FUT8: variants seen among roughly 807,000 people sequenced by gnomAD.
FUT8 encodes alpha-(1,6)-fucosyltransferase.
In FUT8, 29 loss-of-function variants were observed where a neutral mutation model predicts 71.3. That is an observed-to-expected ratio of 0.41 (90% confidence interval 0.30 to 0.55). FUT8 has a LOEUF of 0.55. Ranked by LOEUF, FUT8 falls within the 20% of genes least tolerant of loss-of-function variation. The pLI is 0.34. For synonymous variants in FUT8, 254 were observed against 239.3 expected (o/e 1.06, Z -0.57); for missense variants, 544 against 702.1 (o/e 0.77, Z 2.55).
At chr14:65,395,786 G>T in the FUT8 span, among the ~76,000 whole-genome samples, 1 of 152,270 alleles carries the variant, frequency 6.6e-6, no homozygotes, top group Non-Finnish European at 1.5e-5. Context: ...CAGCCAGCTT[G>T]AATTTCTCCC....
chr14:65,369,723 C>T, the FUT8 span, among the ~76,000 whole-genome samples: 1 of 152,208 alleles, frequency 6.6e-6, no homozygotes, highest in Non-Finnish European at 1.5e-5. The surrounding 1 kb of genome is among the most constrained non-coding windows in gnomAD (Gnocchi z 4.6). Flanking sequence ...CCTATATGGT[C>T]TAAAAGGGAG....
At chr14:65,434,606 A>G (rs78420683) in intron 1 of FUT8, among the ~76,000 whole-genome samples, 1,839 of 152,360 alleles carry the variant, frequency 0.012, 15 homozygotes, top group South Asian at 0.024. Context: ...AAATACTTAC[A>G]TAGGAGAGAG....
At chr14:65,449,648 T>C (rs2065792679) in intron 1 of FUT8, among the ~76,000 whole-genome samples, 1 of 152,204 alleles carries the variant, frequency 6.6e-6, no homozygotes, top group South Asian at 2.1e-4. Context: ...ATTTTTATCT[T>C]AGCCATGAGC....
chr14:65,566,309 A>G (rs1442867892), intron 3 of FUT8, among the ~76,000 whole-genome samples: 2 of 152,000 alleles, frequency 1.3e-5, no homozygotes, highest in African/African-American at 4.8e-5. Flanking sequence ...CATTCTGTTC[A>G]TTGCAAGTCA....
At chr14:65,500,818 C>A (rs904394391) in intron 2 of FUT8, among the ~76,000 whole-genome samples, 19 of 152,200 alleles carry the variant, frequency 1.2e-4, no homozygotes, top group African/African-American at 4.3e-4. Context: ...TTTTCATTAG[C>A]GTTGAAAACT....
At chr14:65,383,352 G>A in the FUT8 span, among the ~76,000 whole-genome samples, 8 of 129,248 alleles carry the variant, frequency 6.2e-5, no homozygotes, top group East Asian at 2.3e-4. Flanking sequence ...TTGGCTCACC[G>A]CAATCGCCGC....
intron 6 of FUT8, among the ~76,000 whole-genome samples, chr14:65,641,973 A>G (rs1266696370): frequency 6.6e-6 from 1 of 152,018 alleles, no homozygotes; most frequent in Non-Finnish European, 1.5e-5. Flanking sequence ...TGGAAATTCT[A>G]GTTTGCAGCT....
chr14:65,434,224 G>A (rs2065520644), intron 1 of FUT8, among the ~76,000 whole-genome samples: 1 of 152,168 alleles, frequency 6.6e-6, no homozygotes, highest in East Asian at 1.9e-4. Flanking sequence ...AGAAGTCCAG[G>A]AACAACCAGA....
At chr14:65,414,168 G>T (rs1057396183) in intron 1 of FUT8, among the ~76,000 whole-genome samples, 1 of 152,166 alleles carries the variant, frequency 6.6e-6, no homozygotes, top group Non-Finnish European at 1.5e-5. Context: ...AGGTTTTGCG[G>T]AACAAATTCA....
the FUT8 span, among the ~76,000 whole-genome samples, chr14:65,361,254 T>C: frequency 3.0e-4 from 42 of 140,762 alleles, no homozygotes; most frequent in Admixed American, 2.8e-3. Flanking sequence ...TACTTGGGAG[T>C]CTGAGGCAAG....
chr14:65,466,273 T>C (rs1268394068), intron 2 of FUT8, among the ~76,000 whole-genome samples: 1 of 152,194 alleles, frequency 6.6e-6, no homozygotes, highest in African/African-American at 2.4e-5. Context: ...ACCACAGATG[T>C]TTAAAGTAAT....
At chr14:65,368,005 C>A in the FUT8 span, among the ~76,000 whole-genome samples, 2 of 148,360 alleles carry the variant, frequency 1.3e-5, no homozygotes, top group African/African-American at 2.5e-5. Flanking sequence ...TTAAAATTTT[C>A]TAGTAACCAC....
At chr14:65,628,808 G>C (rs1404883651) in intron 5 of FUT8, among the ~76,000 whole-genome samples, 1 of 152,156 alleles carries the variant, frequency 6.6e-6, no homozygotes, top group Non-Finnish European at 1.5e-5. Flanking sequence ...TTTAGACCAG[G>C]ACTCAGCAAA....
intron 2 of FUT8, among the ~76,000 whole-genome samples, chr14:65,480,117 T>A (rs2066306946): frequency 6.6e-6 from 1 of 152,096 alleles, no homozygotes; most frequent in South Asian, 2.1e-4. Flanking sequence ...AATCCCTTAA[T>A]AATAGGGATT....
In FUT8 at chr14:65,627,544, C is replaced by T. The variant is rs1257544374; in HGVS notation, c.483-1948C>T. On this transcript the variant is annotated intron_variant, in intron 5 of 10. Coordinates refer to ENST00000673929, the MANE Select transcript of FUT8 (RefSeq NM_001371533.1). This position sits in a 1 kb window ranked among gnomAD's most constrained non-coding sequence, Gnocchi z 4.0. Reference sequence around the variant, plus strand: ...GTTCCGGGGTTTGCATTTCTTCTTACCTGATTTTTCCTTGGGGCAGGCTGT... The same window carrying T: ...GTTCCGGGGTTTGCATTTCTTCTTATCTGATTTTTCCTTGGGGCAGGCTGT... 6.6e-6 allele frequency among the ~76,000 whole-genome samples: 1 copy of T among 152,196 alleles called. No homozygotes were observed. Among genetic ancestry groups the T allele is most frequent in the Non-Finnish European group, 1.5e-5 (1 of 68,032 alleles).
chr14:65,576,112 T>C lies in FUT8; in HGVS notation c.203+14346T>C, dbSNP rs1225311180. Among the ~76,000 whole-genome samples the C allele has an allele frequency of 3.3e-5, 5 of 152,206 alleles. No individual in the cohort carries two copies. The East Asian group carries it at 9.6e-4, about 29-fold the overall frequency. On this transcript the variant is annotated intron_variant, in intron 3 of 10. Transcript: ENST00000673929. ...CTTGCTGTGAATAGTTGTCTGCTTTTTTTGGTTTGCTTAGCTTTAACAGGG... is the reference window on the plus strand; with the variant it reads ...CTTGCTGTGAATAGTTGTCTGCTTTCTTTGGTTTGCTTAGCTTTAACAGGG...
At chr14:65,444,890 C>T (rs927106148) in intron 1 of FUT8, among the ~76,000 whole-genome samples, 1 of 152,064 alleles carries the variant, frequency 6.6e-6, no homozygotes, top group Non-Finnish European at 1.5e-5. Context: ...GGAGCCCTCA[C>T]AAATGGATTA....
intron 7 of FUT8, among the ~76,000 whole-genome samples, chr14:65,688,347 G>A (rs907790593): frequency 4.0e-5 from 6 of 151,362 alleles, no homozygotes; most frequent in Admixed American, 1.3e-4. Flanking sequence ...CATACATTAT[G>A]TGTTTTTTTT....
At chr14:65,387,291 C>T in the FUT8 span, among the ~76,000 whole-genome samples, 12 of 152,168 alleles carry the variant, frequency 7.9e-5, no homozygotes, top group Non-Finnish European at 1.2e-4. Context: ...CTAATTTGGC[C>T]TCACCTTTCT....
Sources: allele counts gnomAD v4.1 joint callset (sites outside exome capture counted in the v4.1 genomes callset), GRCh38; gene constraint gnomAD v4.1.1; non-coding constraint Gnocchi (gnomAD v3.1); transcripts MANE v1.5; gene names NCBI Gene and HGNC (gene_info 2026-07-23, HGNC 2026-07-21).